EVI5: variants seen among roughly 807,000 people sequenced by gnomAD.
EVI5 encodes ecotropic viral integration site 5, also known as ecotropic viral integration site 5 protein homolog.
EVI5 carries 73 observed loss-of-function variants against 112.0 expected under a neutral mutation model. The observed-to-expected ratio is 0.65, with a 90% confidence interval of 0.54 to 0.79. The LOEUF is 0.79. Ranked by LOEUF, EVI5 falls within the 30% of genes least tolerant of loss-of-function variation. EVI5 has a pLI of 0.00. For synonymous variants in EVI5, 305 were observed against 319.9 expected, an observed-to-expected ratio of 0.95 and a Z score of 0.50; for missense variants, 900 against 968.8, an observed-to-expected ratio of 0.93 and a Z score of 0.94.
intron 19 of EVI5, among the ~76,000 whole-genome samples, chr1:92,540,559 T>C (rs1397915659): frequency 6.6e-6 from 1 of 152,246 alleles, no homozygotes; most frequent in Non-Finnish European, 1.5e-5. Context: ...AAGAGTTCTT[T>C]ATATATTCTA....
chr1:92,758,389 C>T (rs1256336258), intron 1 of EVI5, among the ~76,000 whole-genome samples: 4 of 151,888 alleles, frequency 2.6e-5, no homozygotes, highest in African/African-American at 4.8e-5. Flanking sequence ...GGCAACATGG[C>T]AAAACCCCGT....
chr1:92,695,603 A>G (rs907912792), intron 6 of EVI5, 150 bp from the exon 7 acceptor site: 1 of 438,504 alleles, frequency 2.3e-6, no homozygotes, highest in East Asian at 3.6e-5. Context: ...CATCTGGGAC[A>G]GTGGCTAGTA....
chr1:92,619,545 C>T (rs1654045118), intron 16 of EVI5, among the ~76,000 whole-genome samples: 1 of 151,306 alleles, frequency 6.6e-6, no homozygotes, highest in African/African-American at 2.4e-5. Context: ...GATTAATATG[C>T]TAAAGGCTCT....
intron 1 of EVI5, among the ~76,000 whole-genome samples, chr1:92,775,303 C>T (rs1200556680): frequency 1.3e-5 from 2 of 151,984 alleles, no homozygotes; most frequent in African/African-American, 4.8e-5. Context: ...TGGTGTGTGC[C>T]TATAATCCCA....
At chr1:92,719,267 C>T (rs530267684) in intron 2 of EVI5, among the ~76,000 whole-genome samples, 1 of 152,066 alleles carries the variant, frequency 6.6e-6, no homozygotes, top group Admixed American at 6.5e-5. Flanking sequence ...AGACCAACAT[C>T]CCTCATGAAC....
chr1:92,777,499 G>A lies in EVI5; in HGVS notation c.-82+7337C>T, dbSNP rs140584388. 3.9e-3 allele frequency among the ~76,000 whole-genome samples: 599 copies of A among 152,244 alleles called. 3 individuals are homozygous for A. Among genetic ancestry groups the A allele is most frequent in the Admixed American group, 0.01 (156 of 15,278 alleles). On this transcript the variant is annotated intron_variant, in intron 1 of 19. Coordinates refer to ENST00000684568, the MANE Select transcript of EVI5 (RefSeq NM_001350197.2). Reference sequence around the variant, plus strand: ...TCCAATCTTGAGATTATAAGATCCTGGGACAACGAGTACTTCTAAAAAGAA... The same window carrying A: ...TCCAATCTTGAGATTATAAGATCCTAGGACAACGAGTACTTCTAAAAAGAA...
rs1373131676 is a variant in EVI5 at position 92,784,749 on chromosome 1, G to T, written c.-82+87C>A. The T allele has an allele frequency of 4.3e-6, 4 of 927,224 alleles. No individual in the cohort carries two copies. The African/African-American group carries it at 7.1e-5, about 17-fold the overall frequency. The allele number at this position is 927,224 out of a possible 1,614,324, so 57.4% of individuals were successfully genotyped here. A position where few individuals can be genotyped will look rare whatever the true frequency, so the allele number is the denominator to read the frequency against. On this transcript the variant is annotated intron_variant, in intron 1 of 19. Transcript: ENST00000684568. ...ACTTGCGGCGGCCCCCGCCCGCCGC[G>T]CCTCGGCCCAGCTGTGCGCCAGCGG...
chr1:92,656,924 A>T (rs577654727), intron 13 of EVI5, among the ~76,000 whole-genome samples: 2 of 152,356 alleles, frequency 1.3e-5, no homozygotes, highest in Admixed American at 6.5e-5. Context: ...GCCCAGGATC[A>T]GATGAATTCA....
At chr1:92,693,931 T>C (rs768672554) in intron 8 of EVI5, 32 bp from the exon 9 acceptor site, 2 of 1,245,146 alleles carry the variant, frequency 1.6e-6, no homozygotes, top group Admixed American at 3.8e-5. Flanking sequence ...AACATAAGAA[T>C]GACTTAGTGC....
Position 92,650,186 on chromosome 1 carries a change from T to C in EVI5, c.1392+12533A>G, listed in dbSNP as rs959772863. Among the ~76,000 whole-genome samples the C allele has an allele frequency of 5.3e-5, 8 of 152,234 alleles. No homozygotes were observed. The East Asian group carries it at 1.5e-3, about 29-fold the overall frequency. Reference sequence around the variant, plus strand: ...GCCACTTGCAATTCCATGTGAATTTTAAGATCAGCTTTTGCATTTCTGCAA... The same window carrying C: ...GCCACTTGCAATTCCATGTGAATTTCAAGATCAGCTTTTGCATTTCTGCAA... On this transcript the variant is annotated intron_variant, in intron 13 of 19. Coordinates refer to ENST00000684568, the MANE Select transcript of EVI5 (RefSeq NM_001350197.2).
intron 19 of EVI5, among the ~76,000 whole-genome samples, chr1:92,528,611 T>A (rs1662318186): frequency 6.6e-6 from 1 of 152,248 alleles, no homozygotes; most frequent in South Asian, 2.1e-4. Flanking sequence ...GATACTACTA[T>A]ACAGTAGCAA....
intron 19 of EVI5, among the ~76,000 whole-genome samples, chr1:92,560,039 T>C (rs1212633441): frequency 6.6e-6 from 1 of 152,172 alleles, no homozygotes; most frequent in African/African-American, 2.4e-5. Context: ...ATTCCACATG[T>C]TGATGAGGAT....
intron 2 of EVI5, among the ~76,000 whole-genome samples, chr1:92,731,796 G>C (rs916786034): frequency 2.0e-5 from 3 of 152,038 alleles, no homozygotes; most frequent in Non-Finnish European, 4.4e-5. Context: ...AGTAAAGAAA[G>C]AACAGCCATT....
chr1:92,604,532 A>G (rs1195929443), intron 18 of EVI5, among the ~76,000 whole-genome samples: 1 of 152,198 alleles, frequency 6.6e-6, no homozygotes, highest in Non-Finnish European at 1.5e-5. Context: ...TGCCTTCTGG[A>G]AAACCTCCTG....
chr1:92,529,851 A>C (rs1007338348), intron 19 of EVI5, among the ~76,000 whole-genome samples: 14 of 152,370 alleles, frequency 9.2e-5, no homozygotes, highest in African/African-American at 3.1e-4. Flanking sequence ...ATTTAAAATA[A>C]ATCAATGGGC....
At chr1:92,792,213 C>G in intron 1 of EVI5, 1 of 618,916 alleles carries the variant, frequency 1.6e-6, no homozygotes, top group Non-Finnish European at 2.8e-6. Flanking sequence ...GAAATGTTAA[C>G]AAGCTGTTCC....
chr1:92,642,073 G>A (rs1331948391), intron 13 of EVI5, among the ~76,000 whole-genome samples: 1 of 152,080 alleles, frequency 6.6e-6, no homozygotes, highest in African/African-American at 2.4e-5. Flanking sequence ...GGAGGTTGCC[G>A]TGAGCCAAGA....
At chr1:92,613,216 G>A (rs1652281202) in intron 16 of EVI5, among the ~76,000 whole-genome samples, 1 of 152,160 alleles carries the variant, frequency 6.6e-6, no homozygotes, top group Admixed American at 6.5e-5. Flanking sequence ...TACATCTGGG[G>A]TGGGCAGGAG....
At chr1:92,559,961 T>G (rs1668274940) in intron 19 of EVI5, among the ~76,000 whole-genome samples, 1 of 152,078 alleles carries the variant, frequency 6.6e-6, no homozygotes, top group South Asian at 2.1e-4. Context: ...ATCAGGGAAA[T>G]GCACATTAAA....
Sources: gnomAD v4.1 joint callset for allele counts (sites outside exome capture counted in the v4.1 genomes callset) on GRCh38, gnomAD v4.1.1 for gene constraint, MANE v1.5 for transcripts, NCBI Gene and HGNC (gene_info 2026-07-23, HGNC 2026-07-21) for gene names.